MAGI2: variants seen among roughly 807,000 people sequenced by gnomAD.
MAGI2 encodes the protein membrane associated guanylate kinase, WW and PDZ domain containing 2.
Under a neutral mutation model 133.3 loss-of-function variants are expected in MAGI2, and 35 were observed. The ratio of observed to expected loss-of-function variants is 0.26; its 90% CI spans 0.20 to 0.35. MAGI2 has a LOEUF of 0.35. Ranked by LOEUF, MAGI2 falls within the 10% of genes least tolerant of loss-of-function variation. The pLI, the probability that MAGI2 is intolerant of heterozygous loss-of-function variation, is 1.00. For synonymous variants in MAGI2, 729 were observed against 710.6 expected (o/e 1.03, Z -0.41); for missense variants, 1,636 against 1,863.4 (o/e 0.88, Z 2.25).
At chr7:78,349,065 T>C (rs562852344) in intron 7 of MAGI2, among the ~76,000 whole-genome samples, 2 of 152,322 alleles carry the variant, frequency 1.3e-5, no homozygotes, top group South Asian at 4.1e-4. Context: ...GTATACAGCA[T>C]CCTAAATGAT....
intron 9 of MAGI2, among the ~76,000 whole-genome samples, chr7:78,289,920 C>G (rs1796529044): frequency 6.6e-6 from 1 of 152,112 alleles, no homozygotes; most frequent in African/African-American, 2.4e-5. Context: ...TTGTCACCAC[C>G]AGGCCTGCCT....
intron 9 of MAGI2, among the ~76,000 whole-genome samples, chr7:78,340,698 A>G (rs1006406201): frequency 6.6e-6 from 1 of 152,200 alleles, no homozygotes; most frequent in Non-Finnish European, 1.5e-5. Context: ...AGAATCAATG[A>G]CAAAAACCAC....
At chr7:78,337,577 T>G (rs1204093208) in intron 9 of MAGI2, among the ~76,000 whole-genome samples, 1 of 152,234 alleles carries the variant, frequency 6.6e-6, no homozygotes, top group African/African-American at 2.4e-5. Context: ...AATACTTTCA[T>G]GTTGATTTCA....
chr7:78,168,490 G>A (rs1007831787), intron 14 of MAGI2, among the ~76,000 whole-genome samples: 3 of 152,118 alleles, frequency 2.0e-5, no homozygotes, highest in Admixed American at 6.6e-5. Context: ...CATAAATGAC[G>A]AATACCCTTA....
intron 10 of MAGI2, among the ~76,000 whole-genome samples, chr7:78,221,945 GAGGCT>G (rs1788873392): frequency 6.6e-6 from 1 of 151,912 alleles, no homozygotes; most frequent in Admixed American, 6.5e-5. Context: ...AGCTATTTAG[GAGGCT>G]AAGGTGGGAG....
chr7:78,137,591 G>A (rs552620031), intron 16 of MAGI2, among the ~76,000 whole-genome samples: 7 of 152,218 alleles, frequency 4.6e-5, no homozygotes, highest in African/African-American at 1.7e-4. Context: ...CTTACTACAG[G>A]ATTATACAGA....
At chr7:78,244,763 G>A (rs1296302408) in intron 10 of MAGI2, among the ~76,000 whole-genome samples, 1 of 151,996 alleles carries the variant, frequency 6.6e-6, no homozygotes, top group Non-Finnish European at 1.5e-5. Context: ...ATGCTAATGA[G>A]TCCCTTAATG....
At chr7:79,131,833 T>C (rs1820963897) in intron 1 of MAGI2, among the ~76,000 whole-genome samples, 1 of 152,188 alleles carries the variant, frequency 6.6e-6, no homozygotes, top group Non-Finnish European at 1.5e-5. Context: ...TATTACGATG[T>C]CTATTTCAAT....
intron 2 of MAGI2, among the ~76,000 whole-genome samples, chr7:78,839,844 G>C (rs1174781947): frequency 6.6e-6 from 1 of 152,024 alleles, no homozygotes; most frequent in Non-Finnish European, 1.5e-5. Flanking sequence ...GAAAATGGAA[G>C]AATCAAAAAT....
chr7:78,270,041 G>C (rs1794409196), intron 9 of MAGI2, among the ~76,000 whole-genome samples: 1 of 152,264 alleles, frequency 6.6e-6, no homozygotes, highest in Admixed American at 6.5e-5. Context: ...CCCATTGCTT[G>C]TTTTTGTCAG....
chr7:78,200,646 A>G (rs1482737444), intron 11 of MAGI2, among the ~76,000 whole-genome samples: 1 of 152,142 alleles, frequency 6.6e-6, no homozygotes, highest in African/African-American at 2.4e-5. Flanking sequence ...ACATACACAT[A>G]CCTATTTTAT....
intron 1 of MAGI2, among the ~76,000 whole-genome samples, chr7:79,447,582 G>C (rs1848948229): frequency 6.6e-6 from 1 of 151,900 alleles, no homozygotes; most frequent in Non-Finnish European, 1.5e-5. Context: ...GCTTCACCTT[G>C]TAACAGTATT....
At chr7:78,452,629 A>T (rs1345456964) in intron 6 of MAGI2, among the ~76,000 whole-genome samples, 2 of 151,856 alleles carry the variant, frequency 1.3e-5, no homozygotes, top group Non-Finnish European at 2.9e-5. Context: ...TAATCTTTTC[A>T]CAGGAGACTT....
chr7:79,178,602 C>T (rs1003540244), intron 1 of MAGI2, among the ~76,000 whole-genome samples: 1 of 151,712 alleles, frequency 6.6e-6, no homozygotes, highest in South Asian at 2.1e-4. Context: ...GTCCCAGCTA[C>T]TCAGGAGGCT....
chr7:79,330,180 C>CTTTTTTTTT lies in MAGI2; in HGVS notation c.301+122831_301+122839dup, dbSNP rs544172383. 2.7e-4 allele frequency among the ~76,000 whole-genome samples: 16 copies of CTTTTTTTTT among 59,156 alleles called. 1 individual carries two copies. Among genetic ancestry groups the CTTTTTTTTT allele is most frequent in the East Asian group, 1.8e-3 (3 of 1,676 alleles). The allele number at this position is 59,156 out of a possible 152,430, so 38.8% of individuals were successfully genotyped here. A position where few individuals can be genotyped will look rare whatever the true frequency, so the allele number is the denominator to read the frequency against. ...CACATCAGTAACAAACAATCTGCAT[C>CTTTTTTTTT]TTTTTTTTTTTTTTTTTTTTTTTTT... On this transcript the variant is annotated intron_variant, in intron 1 of 21. Coordinates refer to ENST00000354212, the MANE Select transcript of MAGI2 (RefSeq NM_012301.4).
intron 3 of MAGI2, among the ~76,000 whole-genome samples, chr7:78,550,614 CT>C (rs1799252227): frequency 6.6e-6 from 1 of 152,198 alleles, no homozygotes; most frequent in Admixed American, 6.5e-5. Flanking sequence ...AATGGCACTT[CT>C]GCATAACTCC....
intron 20 of MAGI2, among the ~76,000 whole-genome samples, chr7:78,082,337 G>A (rs1816068199): frequency 1.3e-5 from 2 of 152,204 alleles, no homozygotes; most frequent in South Asian, 4.1e-4. Context: ...GGGGGAGGAG[G>A]AGAAGCAGAG....
intron 2 of MAGI2, among the ~76,000 whole-genome samples, chr7:78,731,983 G>A (rs1821407661): frequency 6.6e-6 from 1 of 151,876 alleles, no homozygotes; most frequent in Non-Finnish European, 1.5e-5. Flanking sequence ...AAAGGTGAAG[G>A]AAGAATAGAT....
At chr7:78,201,045 T>C (rs1829207512) in intron 11 of MAGI2, 117 bp downstream of exon 11, 2 of 651,820 alleles carry the variant, frequency 3.1e-6, no homozygotes, top group Non-Finnish European at 5.2e-6. Flanking sequence ...TTATTTTTTT[T>C]ACATCACAGA....
Sources: gnomAD v4.1 joint callset for allele counts (sites outside exome capture counted in the v4.1 genomes callset) on GRCh38, gnomAD v4.1.1 for gene constraint, MANE v1.5 for transcripts, NCBI Gene and HGNC (gene_info 2026-07-23, HGNC 2026-07-21) for gene names.